The following PDS5B variants were observed in gnomAD, a reference collection of about 807,000 sequenced individuals.
PDS5B encodes PDS5 cohesin associated factor B.
Under a neutral mutation model 184.1 loss-of-function variants are expected in PDS5B, and 51 were observed. The observed-to-expected ratio is 0.28, with a 90% confidence interval of 0.22 to 0.35. The LOEUF is 0.35. PDS5B is among the 10% of genes least tolerant of loss of function. The pLI is 1.00. For synonymous variants in PDS5B, 566 were observed against 569.2 expected, an observed-to-expected ratio of 0.99 and a Z score of 0.08; for missense variants, 1,180 against 1,723.3, an observed-to-expected ratio of 0.68 and a Z score of 5.58.
At chr13:32,612,684 TTGCGGAAA>T (rs1429400583) in intron 1 of PDS5B, among the ~76,000 whole-genome samples, 2 of 152,236 alleles carry the variant, frequency 1.3e-5, no homozygotes, top group African/African-American at 4.8e-5. Context: ...AATGCTGCTA[TTGCGGAAA>T]TGGGTTAGTT....
chr13:32,603,457 C>G (rs1172372968), intron 1 of PDS5B, among the ~76,000 whole-genome samples: 1 of 152,080 alleles, frequency 6.6e-6, no homozygotes. Context: ...TGGTCTATAT[C>G]TCTGTTTTGG....
chr13:32,680,044 A>T (rs972797221), intron 10 of PDS5B, among the ~76,000 whole-genome samples: 1 of 151,402 alleles, frequency 6.6e-6, no homozygotes, highest in Non-Finnish European at 1.5e-5. Flanking sequence ...TTTTTTGGGG[A>T]ATTTTTCTTT....
chr13:32,651,308 G>GT (rs1263824919), intron 2 of PDS5B, among the ~76,000 whole-genome samples: 1 of 152,096 alleles, frequency 6.6e-6, no homozygotes, highest in African/African-American at 2.4e-5. Context: ...ATGCATCTTT[G>GT]ACATCCTTTC....
At chr13:32,697,692 G>C (rs980818216) in intron 15 of PDS5B, among the ~76,000 whole-genome samples, 1 of 152,138 alleles carries the variant, frequency 6.6e-6, no homozygotes, top group African/African-American at 2.4e-5. Context: ...GTTGTTTTGT[G>C]CTAGTCCTTT....
rs1206795132 is a variant in PDS5B at position 32,760,646 on chromosome 13, A to G, written c.3444A>G (p.Lys1148=). 3 of 1,613,956 alleles carry G rather than the reference A, an allele frequency of 1.9e-6. No individual in the cohort carries two copies. In the African/African-American group the frequency reaches 4.0e-5, roughly 22 times the overall value. ...LSSAGKQSQT[K]SSRMETVSNA... is the part of the protein sequence containing the mutation. Reference sequence around the variant, plus strand: ...CAGCAGGCAAGCAATCTCAGACCAAATCATCACGAATGGAAACTGTAAGCA... The same window carrying G: ...CAGCAGGCAAGCAATCTCAGACCAAGTCATCACGAATGGAAACTGTAAGCA... Residue 1148 remains lysine (K), a synonymous_variant, in exon 30 of 35, where the codon AAA becomes AAG. Coordinates refer to ENST00000315596, the MANE Select transcript of PDS5B (RefSeq NM_015032.4).
intron 30 of PDS5B, among the ~76,000 whole-genome samples, chr13:32,762,714 T>C (rs1430060496): frequency 6.6e-6 from 1 of 152,190 alleles, no homozygotes; most frequent in Non-Finnish European, 1.5e-5. Context: ...TTGCTAACTT[T>C]TTTTCTGTGC....
intron 1 of PDS5B, among the ~76,000 whole-genome samples, chr13:32,601,338 A>G (rs1265036090): frequency 2.6e-5 from 4 of 152,236 alleles, no homozygotes; most frequent in Non-Finnish European, 5.9e-5. Flanking sequence ...TGGGCGTTAA[A>G]CACAGTTGCT....
intron 19 of PDS5B, among the ~76,000 whole-genome samples, chr13:32,722,145 A>T (rs190580347): frequency 4.0e-4 from 61 of 152,392 alleles, no homozygotes; most frequent in African/African-American, 1.3e-3. Flanking sequence ...ACTTGAGGTC[A>T]GGAGCTGGAG....
At chr13:32,667,933 G>T in intron 7 of PDS5B, 89 bp downstream of exon 7, 1 of 603,424 alleles carries the variant, frequency 1.7e-6, no homozygotes, top group Non-Finnish European at 2.8e-6. Context: ...ATAGTATATA[G>T]TTTTAAAAAC....
chr13:32,733,241 C>T lies in PDS5B; in HGVS notation c.2247+1017C>T, dbSNP rs756687793. Among the ~76,000 whole-genome samples, 8 of 152,002 alleles carry T rather than the reference C, an allele frequency of 5.3e-5. No homozygotes were observed. The South Asian group carries it at 1.0e-3, about 20-fold the overall frequency. ...TAGTTCTTTCATTTTGATATTGTAT[C>T]TGCTGTTTTATCTTTACAAGAACCT... On this transcript the variant is annotated intron_variant, in intron 20 of 34. Transcript: ENST00000315596.
Position 32,755,863 on chromosome 13 carries a change from C to T in PDS5B, c.2963C>T (p.Pro988Leu). The T allele has an allele frequency of 7.0e-7, 1 of 1,431,962 alleles. No individual in the cohort carries two copies. Among genetic ancestry groups the T allele is most frequent in the Non-Finnish European group, 9.5e-7 (1 of 1,052,010 alleles). 88.7% of individuals were successfully genotyped at this position (1,431,962 alleles called of 1,614,324 possible). A position where few individuals can be genotyped will look rare whatever the true frequency, so the allele number is the denominator to read the frequency against. Residue 988 changes from proline to leucine, a missense_variant, in exon 26 of 35, where the codon CCA becomes CTA. Physicochemically the swap from Pro to Leu is moderately conservative, Grantham distance 98 (BLOSUM62 -3). This residue lies in a region of PDS5B where 57 missense variants were observed against 80.9 expected (regional missense o/e 0.70). Transcript: ENST00000315596. ...TCAGAAAAATTATTGTCTCTTCTAC[C>T]AGAGTATGTTGTTCCATATACAATT... is the stretch of plus-strand genomic sequence containing the variant. ...AVSEKLLSLL[P>L]EYVVPYTIHL... is the part of the protein sequence containing the mutation.
At chr13:32,774,821 A>C (rs1330078661) in intron 34 of PDS5B, among the ~76,000 whole-genome samples, 196 bp from the exon 35 acceptor site, 1 of 152,182 alleles carries the variant, frequency 6.6e-6, no homozygotes, top group African/African-American at 2.4e-5. Flanking sequence ...GAAGTCTGTG[A>C]GCCTGTAAGG....
At chr13:32,757,577 C>T (rs1954228986) in intron 26 of PDS5B, among the ~76,000 whole-genome samples, 1 of 151,860 alleles carries the variant, frequency 6.6e-6, no homozygotes, top group Non-Finnish European at 1.5e-5. Flanking sequence ...TTTAATTTTT[C>T]CCTTTTTAAG....
Position 32,694,307 on chromosome 13 carries a change from A to G in PDS5B, c.1551+3A>G, listed in dbSNP as rs1951637818. ...TTGACTTGATTAAGCAACCCAAAGT[A>G]AGTAAGAATTTTTTCCTTCAATGTT... is the stretch of plus-strand genomic sequence containing the variant. On this transcript the variant is annotated splice_donor_region_variant and intron_variant, in intron 14 of 34. Coordinates refer to ENST00000315596, the MANE Select transcript of PDS5B (RefSeq NM_015032.4). 6.4e-7 allele frequency: 1 copy of G among 1,573,370 alleles called. No homozygotes were observed. The highest frequency in any genetic ancestry group is 8.7e-7 in the Non-Finnish European group (1 of 1,154,178).
At chr13:32,755,812 T>TTTTG in intron 25 of PDS5B, 30 bp from the exon 26 acceptor site, 2 of 1,076,296 alleles carry the variant, frequency 1.9e-6, no homozygotes, top group Non-Finnish European at 2.7e-6. Context: ...TTTTGTTTTT[T>TTTTG]TTTGTTTGTT....
chr13:32,751,824 G>T (rs771290334), intron 24 of PDS5B, among the ~76,000 whole-genome samples: 26 of 152,034 alleles, frequency 1.7e-4, no homozygotes, highest in Non-Finnish European at 3.2e-4. Flanking sequence ...TCTGTTGATG[G>T]TTTGTTTCTT....
At chr13:32,623,387 C>T (rs1340283026) in intron 1 of PDS5B, among the ~76,000 whole-genome samples, 1 of 152,168 alleles carries the variant, frequency 6.6e-6, no homozygotes, top group Non-Finnish European at 1.5e-5. Flanking sequence ...ATTGAGGCCC[C>T]TACCATAATT....
chr13:32,604,245 G>A (rs1412376774), intron 1 of PDS5B, among the ~76,000 whole-genome samples: 1 of 152,248 alleles, frequency 6.6e-6, no homozygotes, highest in East Asian at 1.9e-4. Context: ...TGTGAGATAC[G>A]TCCCATCAAT....
In PDS5B at chr13:32,775,549, A is replaced by G; in HGVS notation, c.*497A>G. ...TTTTCTTGATGTCACTATTTGTTGG[A>G]GAGTTAAATGGTCTCTTCCCTTTGT... is the stretch of plus-strand genomic sequence containing the variant. On this transcript the variant is annotated 3_prime_UTR_variant, in exon 35 of 35. Coordinates refer to ENST00000315596, the MANE Select transcript of PDS5B (RefSeq NM_015032.4). The G allele has an allele frequency of 2.6e-6, 1 of 388,152 alleles. No individual in the cohort carries two copies. The highest frequency in any genetic ancestry group is 1.8e-5 in the South Asian group (1 of 54,292). The allele number at this position is 388,152 out of a possible 1,614,324, so 24.0% of individuals were successfully genotyped here.
Sources: gnomAD v4.1 joint callset for allele counts (sites outside exome capture counted in the v4.1 genomes callset) on GRCh38, gnomAD v4.1.1 for gene constraint, gnomAD v4.1.1 regional missense constraint, MANE v1.5 for transcripts, NCBI Gene and HGNC (gene_info 2026-07-23, HGNC 2026-07-21) for gene names.